Variants in HEPH observed in about 807,000 individuals in gnomAD.
HEPH encodes the protein hephaestin.
In HEPH, 69 loss-of-function variants were observed where a neutral mutation model predicts 80.8. That is an observed-to-expected ratio of 0.85 (90% CI 0.70 to 1.04). The LOEUF (loss-of-function observed/expected upper bound fraction) is 1.04. Among genes scored for constraint, HEPH ranks in the 50% least tolerant of loss-of-function variants. HEPH has a pLI of 0.00. For synonymous variants in HEPH, 431 were observed against 322.8 expected, an observed-to-expected ratio of 1.34 and a Z score of -3.60; for missense variants, 1,115 against 891.3, an observed-to-expected ratio of 1.25 and a Z score of -3.20.
intron 12 of HEPH, 95 bp downstream of exon 12, chrX:66,200,847 G>A (rs746497452): frequency 4.7e-5 from 30 of 641,153 alleles, no homozygotes; most frequent in Non-Finnish European, 6.0e-5. Context: ...GAAAATAATA[G>A]GCATGTTAAG....
intron 15 of HEPH, among the ~76,000 whole-genome samples, chrX:66,221,226 G>A (rs1302265016): frequency 8.9e-6 from 1 of 111,757 alleles, no homozygotes; most frequent in African/African-American, 3.3e-5. Context: ...GTCTACTGAT[G>A]TTCAAGGATG....
At chrX:66,193,728 C>T (rs925465484) in intron 8 of HEPH, 90 bp downstream of exon 8, 2 of 646,727 alleles carry the variant, frequency 3.1e-6, no homozygotes, top group Non-Finnish European at 4.6e-6. Context: ...CACTTAGGAG[C>T]ACATTGTAGA....
At chrX:66,228,930 G>A (rs1333721634) in intron 15 of HEPH, among the ~76,000 whole-genome samples, 2 of 112,291 alleles carry the variant, frequency 1.8e-5, no homozygotes, top group South Asian at 3.7e-4. Flanking sequence ...AACTGTTGGC[G>A]GAAATGTAAA....
intron 12 of HEPH, among the ~76,000 whole-genome samples, chrX:66,202,673 T>C (rs2088524547): frequency 1.8e-5 from 2 of 110,380 alleles, no homozygotes; most frequent in African/African-American, 6.6e-5. Flanking sequence ...TTTATTTCTT[T>C]GGTACTTGAT....
intron 4 of HEPH, among the ~76,000 whole-genome samples, chrX:66,176,096 T>G (rs2086791626): frequency 9.0e-6 from 1 of 111,515 alleles, no homozygotes; most frequent in Admixed American, 9.5e-5. Flanking sequence ...TTATTCCAGT[T>G]CTCAAAGGGA....
At chrX:66,248,637 C>A in intron 15 of HEPH, among the ~76,000 whole-genome samples, 1 of 112,123 alleles carries the variant, frequency 8.9e-6, no homozygotes, top group South Asian at 3.7e-4. Flanking sequence ...AATATTCTAT[C>A]TATGCAATTG....
At position 66,258,805 on chromosome X, in the gene HEPH, CT is replaced by C. The variant is rs2091263910; in HGVS notation, c.2897-31del. On this transcript the variant is annotated intron_variant, in intron 17 of 20. Coordinates refer to ENST00000343002, the MANE Select transcript of HEPH (RefSeq NM_001367233.3). ...AAAGGAGAGATGTAAGAAGCTTTTTCTTTTCTTTTCTTTTCTTTTCTTTTTT... is the reference window on the plus strand; with the variant it reads ...AAAGGAGAGATGTAAGAAGCTTTTTCTTTCTTTTCTTTTCTTTTCTTTTTT... The C allele has an allele frequency of 1.1e-5, 11 of 1,038,228 alleles. No individual in the cohort carries two copies. The East Asian group carries it at 3.9e-4, about 37-fold the overall frequency. The allele number at this position is 1,038,228 out of a possible 1,213,427, so 85.6% of individuals were successfully genotyped here. A position where few individuals can be genotyped will look rare whatever the true frequency, so the allele number is the denominator to read the frequency against.
chrX:66,187,890 T>C (rs2087556183), intron 4 of HEPH, among the ~76,000 whole-genome samples: 1 of 112,488 alleles, frequency 8.9e-6, no homozygotes, highest in African/African-American at 3.2e-5. Flanking sequence ...TTCTCCTTTT[T>C]ATTTTTTTTC....
intron 13 of HEPH, among the ~76,000 whole-genome samples, chrX:66,206,831 C>G (rs1286234010): frequency 9.2e-6 from 1 of 109,128 alleles, no homozygotes; most frequent in African/African-American, 3.3e-5. Flanking sequence ...GCCTGACCAA[C>G]ATGGAGAAAC....
chrX:66,174,988 G>C (rs759577614), intron 4 of HEPH, among the ~76,000 whole-genome samples: 1 of 111,554 alleles, frequency 9.0e-6, no homozygotes, highest in East Asian at 2.8e-4. Flanking sequence ...TCTGTTGACT[G>C]TTCCTGTTGG....
At chrX:66,192,351 A>T (rs1043770928) in intron 7 of HEPH, 53 bp downstream of exon 7, 1 of 1,044,483 alleles carries the variant, frequency 9.6e-7, no homozygotes, top group African/African-American at 1.9e-5. Flanking sequence ...CCAGCTCCAA[A>T]CATTTATTAT....
chrX:66,164,908 C>T (rs1337368632), intron 1 of HEPH, among the ~76,000 whole-genome samples: 1 of 112,135 alleles, frequency 8.9e-6, no homozygotes, highest in Admixed American at 9.5e-5. Flanking sequence ...CTAAGCTAAA[C>T]ATCTGAATTT....
At chrX:66,187,544 T>A (rs184443028) in intron 4 of HEPH, among the ~76,000 whole-genome samples, 122 of 112,111 alleles carry the variant, frequency 1.1e-3, no homozygotes, top group African/African-American at 3.8e-3. Context: ...CCAGCAAGTC[T>A]ACCTGGCTCT....
At chrX:66,254,435 G>GT (rs1436836221) in intron 15 of HEPH, among the ~76,000 whole-genome samples, 1 of 111,546 alleles carries the variant, frequency 9.0e-6, no homozygotes, top group Non-Finnish European at 1.9e-5. Flanking sequence ...GGAAACGGTG[G>GT]TTTTTCAAAG....
At chrX:66,170,996 C>T in intron 2 of HEPH, 1 of 340,814 alleles carries the variant, frequency 2.9e-6, no homozygotes, top group Non-Finnish European at 5.2e-6. Flanking sequence ...CTCATACCCA[C>T]AATGCTTACT....
intron 16 of HEPH, among the ~76,000 whole-genome samples, 188 bp from the exon 17 acceptor site, chrX:66,255,917 A>T (rs772748820): frequency 5.2e-4 from 58 of 112,536 alleles, no homozygotes; most frequent in African/African-American, 1.7e-3. Context: ...AGTGCATCTT[A>T]ACTGAGTCCC....
intron 15 of HEPH, among the ~76,000 whole-genome samples, chrX:66,237,233 C>A (rs955256698): frequency 1.7e-4 from 19 of 109,376 alleles, no homozygotes; most frequent in African/African-American, 6.3e-4. Context: ...AAATGGAGAT[C>A]TTTCCAACTT....
chrX:66,179,756 G>A (rs950208452), intron 4 of HEPH, among the ~76,000 whole-genome samples: 3 of 110,727 alleles, frequency 2.7e-5, no homozygotes, highest in African/African-American at 6.6e-5. Context: ...ATAAATTTGG[G>A]AGCTCCAGTG....
chrX:66,250,595 T>C (rs1191662201), intron 15 of HEPH, among the ~76,000 whole-genome samples: 1 of 111,597 alleles, frequency 9.0e-6, no homozygotes, highest in African/African-American at 3.3e-5. Flanking sequence ...TATGTATATA[T>C]ATTCTTTGAT....
Sources: allele counts gnomAD v4.1 joint callset (sites outside exome capture counted in the v4.1 genomes callset), GRCh38; gene constraint gnomAD v4.1.1; transcripts MANE v1.5; gene names NCBI Gene and HGNC (gene_info 2026-07-23, HGNC 2026-07-21).